The following MYO9B variants were observed in gnomAD, a reference collection of about 807,000 sequenced individuals.
The protein encoded by MYO9B is myosin IXB.
MYO9B carries 71 observed loss-of-function variants against 229.5 expected under a neutral mutation model. That is an observed-to-expected ratio of 0.31 (90% CI 0.26 to 0.38). The LOEUF (loss-of-function observed/expected upper bound fraction) is 0.38, where lower values mean the gene tolerates loss of function less well. Among genes scored for constraint, MYO9B ranks in the 10% least tolerant of loss-of-function variants. The probability of loss-of-function intolerance (pLI) is 1.00; values close to 1 mark genes in which losing one functional copy is unlikely to be tolerated. For synonymous variants in MYO9B, 1,185 were observed against 1,235.8 expected, an observed-to-expected ratio of 0.96 and a Z score of 0.86; for missense variants, 2,255 against 2,920.5, an observed-to-expected ratio of 0.77 and a Z score of 5.25.
chr19:17,194,172 AAAAAT>A (rs59395007), intron 21 of MYO9B, among the ~76,000 whole-genome samples: 99 of 148,526 alleles, frequency 6.7e-4, no homozygotes, highest in South Asian at 2.2e-3. Flanking sequence ...ACTCTGTCTC[AAAAAT>A]AAAATAAAAT....
chr19:17,086,475 C>A (rs1373845457), intron 1 of MYO9B, among the ~76,000 whole-genome samples: 1 of 152,200 alleles, frequency 6.6e-6, no homozygotes, highest in African/African-American at 2.4e-5. Context: ...CGTATTGGGG[C>A]CAATTATTTT....
chr19:17,092,059 C>T (rs2123480549), intron 1 of MYO9B, among the ~76,000 whole-genome samples: 1 of 152,354 alleles, frequency 6.6e-6, no homozygotes, highest in South Asian at 2.1e-4. Flanking sequence ...GTCCATGTGG[C>T]CTTCAGCCCT....
intron 2 of MYO9B, among the ~76,000 whole-genome samples, chr19:17,138,650 G>T (rs1463301676): frequency 2.0e-5 from 3 of 152,204 alleles, no homozygotes; most frequent in Non-Finnish European, 4.4e-5. Flanking sequence ...TGGTCAGCCA[G>T]TGTCTTAATC....
chr19:17,160,516 T>TTTC, intron 8 of MYO9B, among the ~76,000 whole-genome samples: 1 of 148,470 alleles, frequency 6.7e-6, no homozygotes, highest in South Asian at 2.1e-4. Context: ...TTTTCTTTTT[T>TTTC]TTTTTTTTTT....
At chr19:17,197,439 G>GATAC (rs1474309451) in intron 22 of MYO9B, among the ~76,000 whole-genome samples, 2,103 of 151,018 alleles carry the variant, frequency 0.014, 51 homozygotes, top group African/African-American at 0.049. Context: ...TAGATAGATA[G>GATAC]ATAGATAGAT....
At chr19:17,152,199 A>C (rs1490441370) in intron 3 of MYO9B, among the ~76,000 whole-genome samples, 1 of 151,590 alleles carries the variant, frequency 6.6e-6, no homozygotes, top group African/African-American at 2.4e-5. Context: ...AAAAAAAAAA[A>C]AACCCACAAG....
At chr19:17,181,854 C>T (rs373069536) in intron 15 of MYO9B, among the ~76,000 whole-genome samples, 10 of 152,122 alleles carry the variant, frequency 6.6e-5, no homozygotes, top group African/African-American at 2.4e-4. Context: ...CGGCTCACTG[C>T]AACCTCTGCC....
rs575585092 is a variant in MYO9B, at chr19:17,196,412, T to C, written c.4046+939T>C. Among the ~76,000 whole-genome samples the C allele has an allele frequency of 6.6e-5, 10 of 151,848 alleles. No individual in the cohort carries two copies. In the South Asian group the frequency reaches 2.1e-3, roughly 32 times the overall value. On this transcript the variant is annotated intron_variant, in intron 22 of 39. Transcript: ENST00000682292. ...GGATGGATAGAAGATGGGTAGAAAT[T>C]AGGCTGGGCGCGATGGCTCATGCCT...
chr19:17,093,626 A>G (rs1600029569), intron 1 of MYO9B, among the ~76,000 whole-genome samples: 1 of 148,714 alleles, frequency 6.7e-6, no homozygotes, highest in South Asian at 2.1e-4. Context: ...TTTTAGAAAG[A>G]TAAACTCCTG....
chr19:17,211,765 G>T lies in MYO9B; in HGVS notation c.6049G>T (p.Ala2017Ser), dbSNP rs201582899. The T allele has an allele frequency of 6.2e-7, 1 of 1,612,956 alleles. No homozygotes were observed. Among genetic ancestry groups the T allele is most frequent in the South Asian group, 1.1e-5 (1 of 91,050 alleles). Residue 2017 changes from alanine to serine, a missense_variant, in exon 39 of 40, where the codon GCC (alanine) becomes TCC (serine). By Grantham distance (99) the Ala-to-Ser change is moderately conservative. Around this residue, in one of 7 missense-constraint regions of MYO9B, gnomAD observed 331 missense variants for 332.5 expected, o/e 1.00. Transcript: ENST00000682292. ...SLLEERAGRG[A>S]SEGPPAPALP... ...GCTGGAGGAGCGGGCCGGGCGGGGG[G>T]CCTCGGAAGGTCAGTATTAAGGTAG... is the stretch of plus-strand genomic sequence containing the variant.
chr19:17,155,377 C>CTA (rs2072525843), intron 6 of MYO9B, among the ~76,000 whole-genome samples: 1 of 151,954 alleles, frequency 6.6e-6, no homozygotes, highest in Admixed American at 6.6e-5. Flanking sequence ...GATGGGGTTT[C>CTA]CTCATGTTGC....
intron 11 of MYO9B, among the ~76,000 whole-genome samples, chr19:17,170,204 C>T (rs2072707623): frequency 6.6e-6 from 1 of 152,048 alleles, no homozygotes; most frequent in Non-Finnish European, 1.5e-5. Context: ...ACCCTGTCTT[C>T]TGTTTTTAGA....
chr19:17,179,449 C>CA (rs2072830557), intron 14 of MYO9B, among the ~76,000 whole-genome samples: 1 of 118,754 alleles, frequency 8.4e-6, no homozygotes, highest in Admixed American at 1.0e-4. Flanking sequence ...TTTTTTTAGA[C>CA]AGAGTCTCAC....
intron 1 of MYO9B, among the ~76,000 whole-genome samples, chr19:17,078,868 A>C (rs1450862019): frequency 6.6e-6 from 1 of 152,244 alleles, no homozygotes; most frequent in Admixed American, 6.5e-5. Context: ...AAACAGGCCC[A>C]GGCAGGTGAT....
At chr19:17,188,204 G>A (rs558594106) in intron 19 of MYO9B, among the ~76,000 whole-genome samples, 159 bp downstream of exon 19, 49 of 152,122 alleles carry the variant, frequency 3.2e-4, no homozygotes, top group Non-Finnish European at 2.8e-4. Context: ...TGAGGCAGGC[G>A]GATCACCTGA....
rs540453474 is a variant in MYO9B, at chr19:17,091,643, G to C, written c.-58-10017G>C. Among the ~76,000 whole-genome samples the C allele has an allele frequency of 4.6e-5, 7 of 152,332 alleles. No individual in the cohort carries two copies. In the East Asian group the frequency reaches 1.4e-3, roughly 29 times the overall value. ...AAAGGACAGGCCCATGGTCCCACCT[G>C]TGGGAGCAGGAGAGGACCAGGCCGA... is the stretch of plus-strand genomic sequence containing the variant. On this transcript the variant is annotated intron_variant, in intron 1 of 39. Coordinates refer to ENST00000682292, the MANE Select transcript of MYO9B (RefSeq NM_004145.4).
chr19:17,160,860 C>T (rs1183820173), intron 8 of MYO9B, among the ~76,000 whole-genome samples: 5 of 152,232 alleles, frequency 3.3e-5, no homozygotes, highest in East Asian at 1.9e-4. Flanking sequence ...CCACCACGCC[C>T]GGCTACTTTT....
intron 1 of MYO9B, among the ~76,000 whole-genome samples, chr19:17,076,251 G>A (rs2057482305): frequency 6.6e-6 from 1 of 151,940 alleles, no homozygotes; most frequent in African/African-American, 2.4e-5. Context: ...GCCAGGGGCG[G>A]GACAGCCGGG....
chr19:17,153,326 C>G (rs942082343), intron 4 of MYO9B, among the ~76,000 whole-genome samples: 2 of 150,516 alleles, frequency 1.3e-5, no homozygotes, highest in Non-Finnish European at 3.0e-5. Flanking sequence ...CTCAGCCTCC[C>G]GAGTAGCTGG....
Sources: gnomAD v4.1 joint callset for allele counts (sites outside exome capture counted in the v4.1 genomes callset) on GRCh38, gnomAD v4.1.1 for gene constraint, gnomAD v4.1.1 regional missense constraint, MANE v1.5 for transcripts, NCBI Gene and HGNC (gene_info 2026-07-23, HGNC 2026-07-21) for gene names.